SIPA1L1: variants seen among roughly 807,000 people sequenced by gnomAD.
SIPA1L1 encodes signal-induced proliferation-associated 1-like protein 1.
Under a neutral mutation model 162.7 loss-of-function variants are expected in SIPA1L1, and 26 were observed. The observed-to-expected ratio is 0.16, with a 90% CI of 0.12 to 0.22. The LOEUF is 0.22. SIPA1L1 is among the 10% of genes least tolerant of loss of function. The probability of loss-of-function intolerance (pLI) is 1.00; values close to 1 mark genes in which losing one functional copy is unlikely to be tolerated. For synonymous variants in SIPA1L1, 829 were observed against 837.4 expected (o/e 0.99, Z 0.17); for missense variants, 1,874 against 2,241.0 (o/e 0.84, Z 3.31).
intron 5 of SIPA1L1, among the ~76,000 whole-genome samples, chr14:71,612,858 T>C (rs2148361314): frequency 6.6e-6 from 1 of 152,342 alleles, no homozygotes; most frequent in Non-Finnish European, 1.5e-5. Context: ...ATAATCATTA[T>C]TGTGAAAGTA....
At chr14:71,383,194 A>G (rs993319066) in intron 2 of SIPA1L1, among the ~76,000 whole-genome samples, 1 of 152,244 alleles carries the variant, frequency 6.6e-6, no homozygotes, top group Non-Finnish European at 1.5e-5. Context: ...TAACAATAAC[A>G]TAGTAACCCT....
At chr14:71,656,162 G>A (rs1483656722) in intron 8 of SIPA1L1, among the ~76,000 whole-genome samples, 1 of 152,144 alleles carries the variant, frequency 6.6e-6, no homozygotes, top group African/African-American at 2.4e-5. Context: ...AAAAAGGCTG[G>A]TCAGATAGCA....
At chr14:71,466,936 T>C (rs1337897122) in intron 2 of SIPA1L1, among the ~76,000 whole-genome samples, 1 of 152,242 alleles carries the variant, frequency 6.6e-6, no homozygotes, top group Admixed American at 6.5e-5. Flanking sequence ...GTTATGTGAG[T>C]GCTTTTGATC....
At chr14:71,719,148 A>G (rs916735831) in intron 17 of SIPA1L1, among the ~76,000 whole-genome samples, 3 of 152,038 alleles carry the variant, frequency 2.0e-5, no homozygotes, top group African/African-American at 7.2e-5. Context: ...CATATTGCCC[A>G]GGCTGGTCTC....
chr14:71,446,367 T>C (rs2045343010), intron 2 of SIPA1L1, among the ~76,000 whole-genome samples: 1 of 152,226 alleles, frequency 6.6e-6, no homozygotes, highest in African/African-American at 2.4e-5. Context: ...TATTCTGCTT[T>C]TTATGTTTAG....
At chr14:71,724,332 A>G (rs183984478) in intron 18 of SIPA1L1, among the ~76,000 whole-genome samples, 1 of 152,190 alleles carries the variant, frequency 6.6e-6, no homozygotes, top group African/African-American at 2.4e-5. Context: ...TAAATGATTC[A>G]TTCAATTATT....
At chr14:71,579,922 A>G (rs973029164) in intron 4 of SIPA1L1, among the ~76,000 whole-genome samples, 2 of 152,104 alleles carry the variant, frequency 1.3e-5, no homozygotes, top group African/African-American at 2.4e-5. Flanking sequence ...TTTCCTACAT[A>G]CTTGTCTTCT....
intron 3 of SIPA1L1, among the ~76,000 whole-genome samples, chr14:71,521,286 G>T (rs539328889): frequency 2.8e-4 from 43 of 152,290 alleles, no homozygotes; most frequent in African/African-American, 9.9e-4. Flanking sequence ...CAGGAATTAA[G>T]ACCCAAAGAA....
chr14:71,329,677 A>G (rs1292292906), intron 2 of SIPA1L1, among the ~76,000 whole-genome samples: 3 of 152,128 alleles, frequency 2.0e-5, no homozygotes, highest in Non-Finnish European at 4.4e-5. Flanking sequence ...TGATTTTGAT[A>G]TATGTTTCTC....
intron 2 of SIPA1L1, among the ~76,000 whole-genome samples, chr14:71,411,265 T>A (rs571142265): frequency 3.3e-4 from 50 of 152,322 alleles, no homozygotes; most frequent in African/African-American, 1.2e-3. Flanking sequence ...TGAAACTTTA[T>A]TATGAGTTTT....
At chr14:71,544,009 ATATATACACATACGCACATGTATG>A (rs1567179681) in intron 4 of SIPA1L1, among the ~76,000 whole-genome samples, 2 of 147,664 alleles carry the variant, frequency 1.4e-5, no homozygotes, top group Non-Finnish European at 3.0e-5. Context: ...ACGCACATGT[ATATATACACATACGCACATGTATG>A]TATATACACA....
chr14:71,362,161 G>A (rs567172361), intron 2 of SIPA1L1, among the ~76,000 whole-genome samples: 16 of 152,324 alleles, frequency 1.1e-4, no homozygotes, highest in South Asian at 6.2e-4. Flanking sequence ...CTGGAGTTTC[G>A]TACTTGAGAG....
intron 3 of SIPA1L1, among the ~76,000 whole-genome samples, chr14:71,525,223 C>G (rs957416753): frequency 6.6e-6 from 1 of 151,858 alleles, no homozygotes; most frequent in African/African-American, 2.4e-5. Context: ...CTCACTCTTG[C>G]CTAGGCTGGA....
chr14:71,730,087 C>G lies in SIPA1L1; in HGVS notation c.4647C>G (p.Phe1549Leu). The G allele has an allele frequency of 6.2e-7, 1 of 1,614,148 alleles. No individual in the cohort carries two copies. The highest frequency in any genetic ancestry group is 8.5e-7 in the Non-Finnish European group (1 of 1,180,014). The change falls in exon 20 of 24, where the codon TTC (phenylalanine) becomes TTG (leucine). Residue 1549 changes from phenylalanine to leucine, a missense_variant. Transcript: ENST00000381232. ...FHALSSPQSP[F>L]PSTPTSRRAL... is the part of the protein sequence containing the mutation. ...CACTCTCCTCTCCTCAGTCTCCTTT[C>G]CCCAGCACCCCCACCTCACGGCGGG...
chr14:71,657,998 A>G (rs551939447), intron 8 of SIPA1L1, among the ~76,000 whole-genome samples: 49 of 152,336 alleles, frequency 3.2e-4, no homozygotes, highest in African/African-American at 1.1e-3. Flanking sequence ...AGTAGATATT[A>G]GACCAACTGC....
intron 2 of SIPA1L1, among the ~76,000 whole-genome samples, chr14:71,407,413 CCCTT>C (rs112922074): frequency 0.023 from 3,431 of 149,122 alleles, 54 homozygotes; most frequent in Middle Eastern, 0.038. Flanking sequence ...CTTTCTCTTT[CCCTT>C]CCTTCCTTCC....
chr14:71,469,679 C>T (rs1021370914), intron 2 of SIPA1L1, among the ~76,000 whole-genome samples: 7 of 152,092 alleles, frequency 4.6e-5, no homozygotes, highest in Admixed American at 2.0e-4. Flanking sequence ...GATTGGTCCC[C>T]CTTTCATCCA....
chr14:71,341,427 G>A (rs139017029), intron 2 of SIPA1L1, among the ~76,000 whole-genome samples: 1 of 152,310 alleles, frequency 6.6e-6, no homozygotes, highest in African/African-American at 2.4e-5. Flanking sequence ...CTGTCATCAA[G>A]TCAGCATCTG....
chr14:71,551,792 C>T (rs1319718086), intron 4 of SIPA1L1, among the ~76,000 whole-genome samples: 1 of 152,298 alleles, frequency 6.6e-6, no homozygotes, highest in Middle Eastern at 3.4e-3. Context: ...CTTGGACACG[C>T]TGTTTGCTCA....
Sources: gnomAD v4.1 joint callset for allele counts (sites outside exome capture counted in the v4.1 genomes callset) on GRCh38, gnomAD v4.1.1 for gene constraint, MANE v1.5 for transcripts, NCBI Gene and HGNC (gene_info 2026-07-23, HGNC 2026-07-21) for gene names.